The following PCDH9 variants were observed in gnomAD, a reference collection of about 807,000 sequenced individuals.
PCDH9 encodes protocadherin-9.
A neutral mutation model predicts 70.6 loss-of-function variants in PCDH9; 24 were observed. The observed-to-expected ratio is 0.34, with a 90% confidence interval of 0.25 to 0.48. PCDH9 has a LOEUF of 0.48. Ranked by LOEUF, PCDH9 falls within the 20% of genes least tolerant of loss-of-function variation. The pLI is 0.99. For synonymous variants in PCDH9, 562 were observed against 558.5 expected (o/e 1.01, Z -0.09); for missense variants, 1,281 against 1,503.6 (o/e 0.85, Z 2.45).
At chr13:66,892,480 C>A (rs2139570173) in intron 3 of PCDH9, among the ~76,000 whole-genome samples, 1 of 151,884 alleles carries the variant, frequency 6.6e-6, no homozygotes, top group African/African-American at 2.4e-5. Flanking sequence ...CACTATAGAG[C>A]AGTATTTGTG....
Position 66,305,031 on chromosome 13 carries a change from G to A in PCDH9, c.3341-3C>T. 1 of 1,604,394 alleles carries A rather than the reference G, an allele frequency of 6.2e-7. No individual in the cohort carries two copies. The highest frequency in any genetic ancestry group is 8.5e-7 in the Non-Finnish European group (1 of 1,174,286). ...TCCTCGGGGACCCAAAGGCCCATCT[G>A]CAGAAGACAAGAGAGAGAAAATAAG... On this transcript the variant is annotated splice_polypyrimidine_tract_variant and splice_region_variant and intron_variant, in intron 4 of 4. Coordinates refer to ENST00000377865, the MANE Select transcript of PCDH9 (RefSeq NM_203487.3).
At chr13:66,882,740 G>A (rs1442157887) in intron 3 of PCDH9, among the ~76,000 whole-genome samples, 1 of 152,084 alleles carries the variant, frequency 6.6e-6, no homozygotes, top group Non-Finnish European at 1.5e-5. Flanking sequence ...TTTTTACTAT[G>A]ACACAAGTTA....
chr13:66,732,716 C>T (rs986654458), intron 3 of PCDH9, among the ~76,000 whole-genome samples: 6 of 151,986 alleles, frequency 3.9e-5, no homozygotes, highest in Admixed American at 6.6e-5. Context: ...CATTGAGCCA[C>T]AGAACCTAAG....
rs1016938960 is a variant in PCDH9, at chr13:66,317,043, A to C, written c.3341-12015T>G. 4.6e-5 allele frequency among the ~76,000 whole-genome samples: 7 copies of C among 152,028 alleles called. No homozygotes were observed. In the South Asian group the frequency reaches 6.2e-4, roughly 14 times the overall value. On this transcript the variant is annotated intron_variant, in intron 4 of 4. Coordinates refer to ENST00000377865, the MANE Select transcript of PCDH9 (RefSeq NM_203487.3). ...CGGCCCGCTAGCTTTGTTTTTGTTG[A>C]TAGCACTCATCACTACCTTTCACAA...
chr13:67,122,212 T>A (rs1159346793), intron 2 of PCDH9, among the ~76,000 whole-genome samples: 11 of 152,162 alleles, frequency 7.2e-5, no homozygotes. Flanking sequence ...TGAATGCCTA[T>A]GCCTAGCCAT....
rs73509500 is a variant in PCDH9, at chr13:67,182,965, G to A, written c.3036+42440C>T. ...CTGAAAAAGGAAAATGAACAAGAATGGCCCTATTACCTTAGTGCAATTTTC... is the reference window on the plus strand; with the variant it reads ...CTGAAAAAGGAAAATGAACAAGAATAGCCCTATTACCTTAGTGCAATTTTC... On this transcript the variant is annotated intron_variant, in intron 2 of 4. Coordinates refer to ENST00000377865, the MANE Select transcript of PCDH9 (RefSeq NM_203487.3). 7.0e-3 allele frequency among the ~76,000 whole-genome samples: 1,066 copies of A among 152,138 alleles called. 16 individuals are homozygous for A. Among genetic ancestry groups the A allele is most frequent in the African/African-American group, 0.025 (1,035 of 41,504 alleles).
At chr13:66,991,691 AAAAC>A (rs1053137431) in intron 2 of PCDH9, among the ~76,000 whole-genome samples, 2 of 152,130 alleles carry the variant, frequency 1.3e-5, no homozygotes, top group African/African-American at 4.8e-5. Context: ...AGTTGATGTG[AAAAC>A]AAACAAACAG....
chr13:66,451,173 T>A (rs7322583), intron 4 of PCDH9, among the ~76,000 whole-genome samples: 4,897 of 152,250 alleles, frequency 0.032, 202 homozygotes, highest in African/African-American at 0.097. Flanking sequence ...AAATATATTT[T>A]AAAAATTCAC....
At chr13:66,841,436 C>A (rs527911244) in intron 3 of PCDH9, among the ~76,000 whole-genome samples, 3 of 152,078 alleles carry the variant, frequency 2.0e-5, no homozygotes, top group African/African-American at 4.8e-5. Context: ...AAAATAAATT[C>A]TTTTCTCACA....
intron 2 of PCDH9, among the ~76,000 whole-genome samples, chr13:66,906,208 G>A (rs1347949585): frequency 2.0e-5 from 3 of 152,156 alleles, no homozygotes; most frequent in Admixed American, 6.5e-5. Flanking sequence ...CATGAATAGA[G>A]AGTCTCGAGA....
At chr13:66,415,517 C>G (rs1176494017) in intron 4 of PCDH9, among the ~76,000 whole-genome samples, 1 of 152,132 alleles carries the variant, frequency 6.6e-6, no homozygotes, top group Admixed American at 6.6e-5. Flanking sequence ...TAGGTAGTAT[C>G]CAAACAATGT....
chr13:66,467,733 T>C (rs541946176), intron 4 of PCDH9, among the ~76,000 whole-genome samples: 1 of 152,148 alleles, frequency 6.6e-6, no homozygotes, highest in East Asian at 1.9e-4. Context: ...AGAAAACAAA[T>C]AAAAAAATCA....
chr13:67,074,036 CT>C (rs2085823130), intron 2 of PCDH9, among the ~76,000 whole-genome samples: 2 of 145,494 alleles, frequency 1.4e-5, no homozygotes, highest in South Asian at 4.4e-4. Context: ...GAAATTCTAT[CT>C]ATCTATCTAT....
chr13:66,333,616 G>T (rs1464132781), intron 4 of PCDH9, among the ~76,000 whole-genome samples: 3 of 151,994 alleles, frequency 2.0e-5, no homozygotes, highest in Non-Finnish European at 2.9e-5. Flanking sequence ...AAAATTACAG[G>T]TTTGAAATGG....
intron 4 of PCDH9, among the ~76,000 whole-genome samples, chr13:66,467,026 T>A (rs962638002): frequency 6.6e-6 from 1 of 151,974 alleles, no homozygotes; most frequent in Non-Finnish European, 1.5e-5. Context: ...TGGCAAAAAT[T>A]TTGATGAAAG....
chr13:66,886,914 T>A (rs1000366755), intron 3 of PCDH9, among the ~76,000 whole-genome samples: 3 of 152,080 alleles, frequency 2.0e-5, no homozygotes, highest in African/African-American at 4.8e-5. Flanking sequence ...ATAGAATTGC[T>A]GTGTTTTTTT....
At chr13:66,460,220 C>G (rs985374889) in intron 4 of PCDH9, among the ~76,000 whole-genome samples, 1 of 151,732 alleles carries the variant, frequency 6.6e-6, no homozygotes, top group Non-Finnish European at 1.5e-5. Flanking sequence ...TAAAACTATG[C>G]TATTATATAA....
intron 3 of PCDH9, among the ~76,000 whole-genome samples, chr13:66,855,173 G>A (rs2081374874): frequency 1.3e-5 from 2 of 152,046 alleles, no homozygotes; most frequent in African/African-American, 4.8e-5. Flanking sequence ...ATGCTAATGG[G>A]AAGATGACTT....
intron 2 of PCDH9, among the ~76,000 whole-genome samples, chr13:66,990,196 C>T (rs2139795467): frequency 6.6e-6 from 1 of 151,876 alleles, no homozygotes; most frequent in South Asian, 2.1e-4. Flanking sequence ...CCTAAATAAT[C>T]ATCTTGTATG....
Sources: allele counts gnomAD v4.1 joint callset (sites outside exome capture counted in the v4.1 genomes callset), GRCh38; gene constraint gnomAD v4.1.1; transcripts MANE v1.5; gene names NCBI Gene and HGNC (gene_info 2026-07-23, HGNC 2026-07-21).